ABCD3: variants seen among roughly 807,000 people sequenced by gnomAD.
ABCD3 encodes ATP-binding cassette sub-family D member 3.
A neutral mutation model predicts 105.5 loss-of-function variants in ABCD3; 41 were observed. The ratio of observed to expected loss-of-function variants is 0.39; its 90% CI spans 0.30 to 0.50. The LOEUF is 0.50. Ranked by LOEUF, ABCD3 falls within the 20% of genes least tolerant of loss-of-function variation. ABCD3 has a pLI of 0.84. For missense variants in ABCD3, 622 were observed against 806.3 expected (o/e 0.77, Z 2.77); for synonymous variants, 258 against 269.0 (o/e 0.96, Z 0.40).
At chr1:94,452,164 A>G (rs897386921) in intron 1 of ABCD3, among the ~76,000 whole-genome samples, 2 of 152,208 alleles carry the variant, frequency 1.3e-5, no homozygotes, top group African/African-American at 4.8e-5. Flanking sequence ...ATTAATTATT[A>G]TATCAGGACA....
At chr1:94,480,152 A>G (rs919715455) in intron 8 of ABCD3, 7 of 362,806 alleles carry the variant, frequency 1.9e-5, no homozygotes, top group Non-Finnish European at 3.0e-5. Context: ...AGAGATTATC[A>G]AGAAGAGTTC....
intron 5 of ABCD3, among the ~76,000 whole-genome samples, chr1:94,474,207 T>A (rs1648621474): frequency 6.8e-6 from 1 of 146,624 alleles, no homozygotes; most frequent in Non-Finnish European, 1.5e-5. Context: ...ATTCCAGTCA[T>A]TGCAAAATGG....
At position 94,428,120 on chromosome 1, in the gene ABCD3, G is replaced by A. The variant is rs185984413; in HGVS notation, c.110+9532G>A. 4.2e-3 allele frequency among the ~76,000 whole-genome samples: 633 copies of A among 151,284 alleles called. 1 individual carries two copies. Among genetic ancestry groups the A allele is most frequent in the Non-Finnish European group, 7.1e-3 (482 of 67,892 alleles). On this transcript the variant is annotated intron_variant, in intron 1 of 22. Transcript: ENST00000370214. ...TTTTTTGCCACAAGATTGAGAAATGGAAAAGTGTTTTTTTAAACACACCTT... is the reference window on the plus strand; with the variant it reads ...TTTTTTGCCACAAGATTGAGAAATGAAAAAGTGTTTTTTTAAACACACCTT...
intron 20 of ABCD3, 114 bp downstream of exon 20, chr1:94,499,728 A>T: frequency 7.9e-7 from 1 of 1,270,160 alleles, no homozygotes; most frequent in Non-Finnish European, 1.1e-6. Context: ...TTCAGTATGG[A>T]TTAGTTTAAA....
chr1:94,445,588 C>T (rs1292970578), intron 1 of ABCD3, among the ~76,000 whole-genome samples: 1 of 152,134 alleles, frequency 6.6e-6, no homozygotes, highest in Non-Finnish European at 1.5e-5. Context: ...TTCATCCCTA[C>T]CCTCCTGCAC....
chr1:94,392,888 C>G, the ABCD3 span, among the ~76,000 whole-genome samples: 1 of 150,944 alleles, frequency 6.6e-6, no homozygotes, highest in Non-Finnish European at 1.5e-5. Flanking sequence ...CTGAGGCAGG[C>G]AGATCACGAG....
At chr1:94,490,604 T>C (rs1333239168) in intron 15 of ABCD3, among the ~76,000 whole-genome samples, 2 of 152,064 alleles carry the variant, frequency 1.3e-5, no homozygotes, top group African/African-American at 4.8e-5. Flanking sequence ...TTCTATTGTG[T>C]GTATTTTGTG....
At chr1:94,454,724 C>T (rs1557669692) in intron 1 of ABCD3, among the ~76,000 whole-genome samples, 1 of 152,010 alleles carries the variant, frequency 6.6e-6, no homozygotes. Flanking sequence ...CAATCTTGGC[C>T]CACTGCAACC....
chr1:94,508,678 T>C (rs902621325), intron 21 of ABCD3, among the ~76,000 whole-genome samples: 2 of 150,340 alleles, frequency 1.3e-5, no homozygotes, highest in African/African-American at 4.9e-5. Flanking sequence ...TGAGCAGTGG[T>C]TTGTAGTTCT....
chr1:94,428,498 A>C (rs954401178), intron 1 of ABCD3, among the ~76,000 whole-genome samples: 2 of 152,194 alleles, frequency 1.3e-5, no homozygotes, highest in Non-Finnish European at 2.9e-5. Flanking sequence ...ACAGCTTCTT[A>C]AATGTATGAA....
At chr1:94,408,541 C>T in the ABCD3 span, among the ~76,000 whole-genome samples, 1 of 151,840 alleles carries the variant, frequency 6.6e-6, no homozygotes, top group African/African-American at 2.4e-5. Context: ...TTGCAGTGAG[C>T]TGAGATTGCG....
At chr1:94,504,645 T>C (rs1196057122) in intron 20 of ABCD3, among the ~76,000 whole-genome samples, 2 of 152,130 alleles carry the variant, frequency 1.3e-5, no homozygotes, top group African/African-American at 2.4e-5. Flanking sequence ...GAAATAAGAT[T>C]GTGCAGGTCT....
Position 94,499,541 on chromosome 1 carries a change from A to C in ABCD3, c.1667A>C (p.Glu556Ala). Residue 556 changes from glutamate (E) to alanine (A), a missense_variant, in exon 20 of 23, where the codon GAA (glutamate) becomes GCA (alanine). Glu to Ala is a moderately radical substitution (Grantham distance 107, BLOSUM62 -1). This residue lies in a region of ABCD3 where 285 missense variants were observed against 352.5 expected (regional missense o/e 0.81). Coordinates refer to ENST00000370214, the MANE Select transcript of ABCD3 (RefSeq NM_002858.4). ...AATGTCCAGTTGGGTCATATCCTTG[A>C]ACGTGAAGGAGGCTGGGACAGTGTT... ...LDNVQLGHIL[E>A]REGGWDSVQD... The C allele has an allele frequency of 6.2e-7, 1 of 1,613,800 alleles. No homozygotes were observed. The highest frequency in any genetic ancestry group is 8.5e-7 in the Non-Finnish European group (1 of 1,179,800).
chr1:94,438,303 C>T (rs1180934844), intron 1 of ABCD3, among the ~76,000 whole-genome samples: 17 of 45,190 alleles, frequency 3.8e-4, no homozygotes, highest in African/African-American at 1.7e-3. Flanking sequence ...CACACACATA[C>T]ACACACACAC....
Position 94,418,424 on chromosome 1 carries a change from C to A in ABCD3, c.-55C>A. The A allele has an allele frequency of 2.6e-6, 3 of 1,133,878 alleles. No homozygotes were observed. Among genetic ancestry groups the A allele is most frequent in the South Asian group, 1.5e-5 (1 of 68,938 alleles). 70.2% of individuals were successfully genotyped at this position (1,133,878 alleles called of 1,614,324 possible). On this transcript the variant is annotated 5_prime_UTR_variant, in exon 1 of 23. Coordinates refer to ENST00000370214, the MANE Select transcript of ABCD3 (RefSeq NM_002858.4). The stretch of plus-strand genomic sequence containing the variant: ...CCCGCGCTGCGTGCAGTAAGGTAGC[C>A]GCCGCCGCCGCCGCCGCCGCGTCCC...
chr1:94,486,946 C>G (rs976099634), intron 10 of ABCD3, among the ~76,000 whole-genome samples: 1 of 152,192 alleles, frequency 6.6e-6, no homozygotes, highest in Admixed American at 6.5e-5. Flanking sequence ...GGTAGATGGA[C>G]AGTTTGAGAA....
At chr1:94,399,699 A>C in the ABCD3 span, among the ~76,000 whole-genome samples, 1 of 152,188 alleles carries the variant, frequency 6.6e-6, no homozygotes, top group African/African-American at 2.4e-5. Context: ...TGTGGCATGG[A>C]TAACTTGTAA....
chr1:94,498,473 C>T, intron 16 of ABCD3, 129 bp from the exon 17 acceptor site: 1 of 941,658 alleles, frequency 1.1e-6, no homozygotes, highest in Non-Finnish European at 1.7e-6. Flanking sequence ...CCTAATGCTA[C>T]ATTTACAGAC....
At chr1:94,438,295 C>CACAT (rs1553168348) in intron 1 of ABCD3, among the ~76,000 whole-genome samples, 74 of 113,590 alleles carry the variant, frequency 6.5e-4, no homozygotes, top group Middle Eastern at 9.3e-3. Context: ...CACACACACA[C>CACAT]ACACATACAC....
Sources: gnomAD v4.1 joint callset for allele counts (sites outside exome capture counted in the v4.1 genomes callset) on GRCh38, gnomAD v4.1.1 for gene constraint, gnomAD v4.1.1 regional missense constraint, MANE v1.5 for transcripts, NCBI Gene and HGNC (gene_info 2026-07-23, HGNC 2026-07-21) for gene names.